AQP12A: variants seen among roughly 807,000 people sequenced by gnomAD.
AQP12A encodes the protein aquaporin 12A, also known as putative aquaporin-12A.
A neutral mutation model predicts 12.2 loss-of-function variants in AQP12A; 11 were observed. The observed-to-expected ratio is 0.90, with a 90% CI of 0.57 to 1.49. The LOEUF (loss-of-function observed/expected upper bound fraction) is 1.49. Ranked by LOEUF, AQP12A falls within the 40% of genes most tolerant of loss-of-function variation. AQP12A has a pLI of 0.00. For synonymous variants in AQP12A, 101 were observed against 127.1 expected, an observed-to-expected ratio of 0.79 and a Z score of 1.38; for missense variants, 203 against 260.8, an observed-to-expected ratio of 0.78 and a Z score of 1.53.
At position 240,691,917 on chromosome 2, in the gene AQP12A, G is replaced by A; in HGVS notation, c.4G>A (p.Ala2Thr). ...GCTCCTCGGGGGGCCCAGGCCGATG[G>A]CAGGTCTTAACGTGTCCCTCTCCTT... M[A>T]GLNVSLSFFF... The change falls in exon 1 of 4, where the codon GCA becomes ACA. Residue 2 changes from alanine to threonine, a missense_variant. Ala to Thr is a moderately conservative substitution (Grantham distance 58). Transcript: ENST00000337801. The A allele has an allele frequency of 6.3e-7, 1 of 1,594,810 alleles. No individual in the cohort carries two copies. The highest frequency in any genetic ancestry group is 1.1e-5 in the South Asian group (1 of 89,180).
Position 240,692,148 on chromosome 2 carries a change from G to C in AQP12A, c.198G>C (p.Leu66=). Residue 66 remains leucine, a synonymous_variant, in exon 2 of 4, where the codon CTG becomes CTC. Transcript: ENST00000337801. ...GPDLLLTLLF[L]LFLAHGVTLD... is the part of the protein sequence containing the mutation. Reference sequence around the variant, plus strand: ...ACCTGCTGCTCACCCTGCTCTTCCTGCTCTTCCTGGCGCACGGGGTCACCT... The same window carrying C: ...ACCTGCTGCTCACCCTGCTCTTCCTCCTCTTCCTGGCGCACGGGGTCACCT... The C allele has an allele frequency of 6.3e-7, 1 of 1,583,828 alleles. No individual in the cohort carries two copies. Among genetic ancestry groups the C allele is most frequent in the Non-Finnish European group, 8.6e-7 (1 of 1,168,438 alleles).
Position 240,691,976 on chromosome 2 carries a change from C to A in AQP12A, c.63C>A (p.Ala21=), listed in dbSNP as rs183808728. 1.9e-6 allele frequency: 3 copies of A among 1,588,714 alleles called. 1 individual carries two copies. In the Admixed American group the frequency reaches 5.6e-5, roughly 30 times the overall value. The change falls in exon 1 of 4, where the codon GCC becomes GCA. Residue 21 remains alanine (A), a synonymous_variant. Coordinates refer to ENST00000337801, the MANE Select transcript of AQP12A (RefSeq NM_198998.3). ...CCACCTTCGCCCTCTGTGAGGCGGC[C>A]AGGCGGGCCTCCAAGGCCCTGCTCC... The part of the protein sequence containing the change: ...FFATFALCEA[A]RRASKALLPV...
rs370765515 is a variant in AQP12A, at chr2:240,692,092, C to T, written c.142C>T (p.Leu48Phe). 4.4e-5 allele frequency: 69 copies of T among 1,582,710 alleles called. 5 individuals are homozygous for T. Among genetic ancestry groups the T allele is most frequent in the Non-Finnish European group, 5.7e-5 (67 of 1,168,148 alleles). Residue 48 changes from leucine (L) to phenylalanine (F), a missense_variant, in exon 2 of 4, where the codon CTC becomes TTC. By Grantham distance (22) the Leu-to-Phe change is conservative. Transcript: ENST00000337801. ...CCTGGAGATGAGGACGCTGGTCGAGCTCGGGCCCTGGGCTGGGGACTTTGG... is the reference window on the plus strand; with the variant it reads ...CCTGGAGATGAGGACGCTGGTCGAGTTCGGGCCCTGGGCTGGGGACTTTGG... The part of the protein sequence containing the change: ...AREAMRTLVE[L>F]GPWAGDFGPD...
In AQP12A at chr2:240,691,923, C is replaced by G. The variant is rs564922211; in HGVS notation, c.10C>G (p.Leu4Val). The change falls in exon 1 of 4, where the codon CTT becomes GTT. Residue 4 changes from leucine (L) to valine (V), a missense_variant. Coordinates refer to ENST00000337801, the MANE Select transcript of AQP12A (RefSeq NM_198998.3). ...CGGGGGGCCCAGGCCGATGGCAGGT[C>G]TTAACGTGTCCCTCTCCTTCTTCTT... The part of the protein sequence containing the change: MAG[L>V]NVSLSFFFAT... The G allele has an allele frequency of 1.8e-5, 28 of 1,595,436 alleles. No homozygotes were observed. In the South Asian group the frequency reaches 3.0e-4, roughly 17 times the overall value.
intron 2 of AQP12A, among the ~76,000 whole-genome samples, chr2:240,693,705 C>G (rs1468435393): frequency 1.3e-5 from 2 of 151,990 alleles, no homozygotes; most frequent in Non-Finnish European, 2.9e-5. Context: ...GACAGCGGCC[C>G]GGCTGCCGCC....
rs554892429 is a variant in AQP12A at position 240,692,373 on chromosome 2, G to T, written c.423G>T (p.Ser141=). The T allele has an allele frequency of 5.4e-5, 83 of 1,524,476 alleles. 6 individuals carry two copies. Among genetic ancestry groups the T allele is most frequent in the Non-Finnish European group, 7.0e-5 (80 of 1,141,652 alleles). 94.4% of individuals were successfully genotyped at this position (1,524,476 alleles called of 1,614,324 possible). The change falls in exon 2 of 4, where the codon TCG becomes TCT. Residue 141 remains serine (S), a synonymous_variant. Transcript: ENST00000337801. ...GCCTCATGGCCCAGAGCTGCAGCTC[G>T]GCCCTGCGCACATCCGTGCCCCACG... ...LQSLMAQSCS[S]ALRTSVPHGA...
chr2:240,693,921 T>C (rs1180673845), intron 2 of AQP12A, among the ~76,000 whole-genome samples: 2 of 58,020 alleles, frequency 3.4e-5, no homozygotes, highest in Non-Finnish European at 6.3e-5. Context: ...CTCCTCTCTC[T>C]CTCTGTCTCT....
At position 240,692,431 on chromosome 2, in the gene AQP12A, T is replaced by G; in HGVS notation, c.481T>G (p.Phe161Val). ...ALVEAACAFC[F>V]HLTLLHLRHS... ...TGTGGAGGCCGCCTGCGCCTTTTGTTTCCATCTGACCCTCCTGCACCTGCG... is the reference window on the plus strand; with the variant it reads ...TGTGGAGGCCGCCTGCGCCTTTTGTGTCCATCTGACCCTCCTGCACCTGCG... Residue 161 changes from phenylalanine (F) to valine (V), a missense_variant, in exon 2 of 4, where the codon TTC becomes GTC. Transcript: ENST00000337801. 6.6e-7 allele frequency: 1 copy of G among 1,520,264 alleles called. No individual in the cohort carries two copies. The highest frequency in any genetic ancestry group is 8.8e-7 in the Non-Finnish European group (1 of 1,135,140). 94.2% of individuals were successfully genotyped at this position (1,520,264 alleles called of 1,614,324 possible). A position where few individuals can be genotyped will look rare whatever the true frequency, so the allele number is the denominator to read the frequency against.
rs1190844217 is a variant in AQP12A, at chr2:240,693,932, CCT to C, written c.572-490_572-489del. 6.3e-5 allele frequency among the ~76,000 whole-genome samples: 4 copies of C among 63,138 alleles called. 1 individual carries two copies. The highest frequency in any genetic ancestry group is 9.7e-4 in the South Asian group (2 of 2,066). The allele number at this position is 63,138 out of a possible 152,430, so 41.4% of individuals were successfully genotyped here. ...GTCTCTCCTCTCTCTCTCTGTCTCTCCTCTCTCTCTCTGTCTCTCCTCTCTCT... is the reference window on the plus strand; with the variant it reads ...GTCTCTCCTCTCTCTCTCTGTCTCTCCTCTCTCTCTGTCTCTCCTCTCTCT... On this transcript the variant is annotated intron_variant, in intron 2 of 3. Transcript: ENST00000337801.
chr2:240,692,024 C>A lies in AQP12A; in HGVS notation c.111C>A (p.Phe37Leu). The change falls in exon 1 of 4, where the codon TTC (phenylalanine) becomes TTA (leucine). Residue 37 changes from phenylalanine (F) to leucine (L), a missense_variant. Around this residue, in one of 2 missense-constraint regions of AQP12A, gnomAD observed 191 missense variants for 197.1 expected, o/e 0.97. Coordinates refer to ENST00000337801, the MANE Select transcript of AQP12A (RefSeq NM_198998.3). ...TCCCAGTGGGCGCCTATGAAGTCTT[C>A]GCCCGGGAGGCGGTGGGTGCGGGTG... The part of the protein sequence containing the change: ...ALLPVGAYEV[F>L]AREAMRTLVE... 1 of 1,585,498 alleles carries A rather than the reference C, an allele frequency of 6.3e-7. No homozygotes were observed. The highest frequency in any genetic ancestry group is 1.4e-5 in the African/African-American group (1 of 71,664).
At position 240,692,163 on chromosome 2, in the gene AQP12A, C is replaced by G. The variant is rs145149435; in HGVS notation, c.213C>G (p.His71Gln). ...TGCTCTTCCTGCTCTTCCTGGCGCACGGGGTCACCTTGGACGGGGCCTCGG... is the reference window on the plus strand; with the variant it reads ...TGCTCTTCCTGCTCTTCCTGGCGCAGGGGGTCACCTTGGACGGGGCCTCGG... ...LTLLFLLFLA[H>Q]GVTLDGASAN... The change falls in exon 2 of 4, where the codon CAC (histidine) becomes CAG (glutamine). Residue 71 changes from histidine (H) to glutamine (Q), a missense_variant. Physicochemically the swap from His to Gln is conservative, Grantham distance 24. Transcript: ENST00000337801. The G allele has an allele frequency of 2.5e-6, 4 of 1,583,710 alleles. No individual in the cohort carries two copies. Among genetic ancestry groups the G allele is most frequent in the Non-Finnish European group, 3.4e-6 (4 of 1,168,458 alleles).
rs1293934138 is a variant in AQP12A at position 240,693,911 on chromosome 2, C to A, written c.572-522C>A. 1.4e-4 allele frequency among the ~76,000 whole-genome samples: 8 copies of A among 56,882 alleles called. 2 individuals are homozygous for A. The highest frequency in any genetic ancestry group is 6.4e-5 in the Non-Finnish European group (2 of 31,176). 37.3% of individuals were successfully genotyped at this position (56,882 alleles called of 152,430 possible). On this transcript the variant is annotated intron_variant, in intron 2 of 3. Transcript: ENST00000337801. ...TCTGTCTCCCTGTCTCTCTCTGTCT[C>A]TCCTCTCTCTCTCTGTCTCTCCTCT...
In AQP12A at chr2:240,691,996, T is replaced by G. The variant is rs71428454; in HGVS notation, c.83T>G (p.Leu28Arg). 0.32 allele frequency: 507,262 copies of G among 1,583,976 alleles called. 114,935 individuals carry two copies. The highest frequency in any genetic ancestry group is 0.38 in the Middle Eastern group (2,254 of 5,894). The change falls in exon 1 of 4, where the codon CTG becomes CGG. Residue 28 changes from leucine (L) to arginine (R), a missense_variant. This residue lies in a region of AQP12A where 191 missense variants were observed against 197.1 expected (regional missense o/e 0.97). Coordinates refer to ENST00000337801, the MANE Select transcript of AQP12A (RefSeq NM_198998.3). Reference sequence around the variant, plus strand: ...GCGGCCAGGCGGGCCTCCAAGGCCCTGCTCCCAGTGGGCGCCTATGAAGTC... The same window carrying G: ...GCGGCCAGGCGGGCCTCCAAGGCCCGGCTCCCAGTGGGCGCCTATGAAGTC... ...CEAARRASKA[L>R]LPVGAYEVFA...
intron 2 of AQP12A, among the ~76,000 whole-genome samples, chr2:240,693,276 C>T (rs1277724680): frequency 6.6e-6 from 1 of 152,212 alleles, no homozygotes; most frequent in African/African-American, 2.4e-5. Context: ...ACAGGACCAG[C>T]ACTTAGGTCC....
Position 240,692,196 on chromosome 2 carries a change from C to T in AQP12A, c.246C>T (p.Pro82=). The T allele has an allele frequency of 6.3e-7, 1 of 1,581,596 alleles. No individual in the cohort carries two copies. The highest frequency in any genetic ancestry group is 1.4e-5 in the African/African-American group (1 of 70,136). ...GVTLDGASAN[P]TVSLQEFLMA... ...CCTTGGACGGGGCCTCGGCCAACCC[C>T]ACTGTGTCCCTGCAGGAGTTCCTCA... is the stretch of plus-strand genomic sequence containing the variant. The change falls in exon 2 of 4, where the codon CCC becomes CCT. Residue 82 remains proline (P), a synonymous_variant. Transcript: ENST00000337801.
chr2:240,694,002 G>T (rs866028709), intron 2 of AQP12A, among the ~76,000 whole-genome samples: 3,987 of 52,892 alleles, frequency 0.075, 213 homozygotes, highest in Middle Eastern at 0.12. Context: ...CTCTCTCTCT[G>T]TCTCTCCTCT....
rs758571527 is a variant in AQP12A at position 240,692,264 on chromosome 2, C to T, written c.314C>T (p.Ala105Val). 2.5e-6 allele frequency: 4 copies of T among 1,578,794 alleles called. 1 individual carries two copies. In the South Asian group the frequency reaches 4.5e-5, roughly 18 times the overall value. Residue 105 changes from alanine (A) to valine (V), a missense_variant, in exon 2 of 4, where the codon GCA becomes GTA. By Grantham distance (64) the Ala-to-Val change is moderately conservative. Transcript: ENST00000337801. The part of the protein sequence containing the change: ...SLPGTLLKLA[A>V]QGLGMQAACT... ...CCTGGCACGCTGTTGAAGCTGGCGG[C>T]ACAGGGGCTGGGCATGCAGGCCGCC...
intron 2 of AQP12A, among the ~76,000 whole-genome samples, 162 bp downstream of exon 2, chr2:240,692,683 A>T (rs1225351804): frequency 6.6e-6 from 1 of 150,444 alleles, no homozygotes; most frequent in Non-Finnish European, 1.5e-5. Context: ...TGGCGGGTAG[A>T]CGAGGGCCTG....
intron 2 of AQP12A, among the ~76,000 whole-genome samples, chr2:240,693,360 C>T (rs1365606321): frequency 6.6e-6 from 1 of 152,302 alleles, no homozygotes; most frequent in African/African-American, 2.4e-5. Context: ...GAAGGTGCCA[C>T]CAGAGCCCTG....
Sources: allele counts gnomAD v4.1 joint callset (sites outside exome capture counted in the v4.1 genomes callset), GRCh38; gene constraint gnomAD v4.1.1; regional missense constraint gnomAD v4.1.1; transcripts MANE v1.5; gene names NCBI Gene and HGNC (gene_info 2026-07-23, HGNC 2026-07-21).